Variants in HPF1 observed in about 807,000 individuals in gnomAD.
HPF1 encodes UPF0609 protein C4orf27.
In HPF1, 35 loss-of-function variants were observed where a neutral mutation model predicts 38.8. The ratio of observed to expected loss-of-function variants is 0.90; its 90% CI spans 0.69 to 1.19. The LOEUF (loss-of-function observed/expected upper bound fraction) is 1.19. Among genes scored for constraint, HPF1 ranks in the 50% most tolerant of loss-of-function variants. The pLI, the probability that HPF1 is intolerant of heterozygous loss-of-function variation, is 0.00. For synonymous variants in HPF1, 115 were observed against 139.2 expected (o/e 0.83, Z 1.22); for missense variants, 367 against 405.8 (o/e 0.90, Z 0.82).
At chr4:169,731,120 T>C (rs1338287567) in intron 7 of HPF1, among the ~76,000 whole-genome samples, 1 of 152,248 alleles carries the variant, frequency 6.6e-6, no homozygotes, top group Admixed American at 6.5e-5. Flanking sequence ...AAACAGGTCA[T>C]ATCCGCTACA....
rs2150288269 is a variant in HPF1, at chr4:169,731,763, C to T, written c.850G>A (p.Glu284Lys). The T allele has an allele frequency of 6.3e-7, 1 of 1,599,530 alleles. No individual in the cohort carries two copies. The highest frequency in any genetic ancestry group is 2.2e-5 in the East Asian group (1 of 44,564). ...TCAAGCCCCATGCCATAATCACATT[C>T]ATCATTAGCAAACTGCACAAAAGTC... ...MMTFVQFAND[E>K]CDYGMGLELG... The change falls in exon 7 of 8, where the codon GAA (glutamate) becomes AAA (lysine). Residue 284 changes from glutamate to lysine, a missense_variant. Coordinates refer to ENST00000393381, the MANE Select transcript of HPF1 (RefSeq NM_017867.3).
At chr4:169,752,768 A>C (rs1380771605) in intron 2 of HPF1, among the ~76,000 whole-genome samples, 1 of 152,180 alleles carries the variant, frequency 6.6e-6, no homozygotes, top group Non-Finnish European at 1.5e-5. Flanking sequence ...TTAAGTAAAT[A>C]TCCTCAAACA....
chr4:169,736,810 G>C (rs1306804633), intron 6 of HPF1, among the ~76,000 whole-genome samples: 1 of 152,178 alleles, frequency 6.6e-6, no homozygotes, highest in African/African-American at 2.4e-5. Flanking sequence ...CAGCAGGGCT[G>C]TTCACGATAA....
intron 2 of HPF1, among the ~76,000 whole-genome samples, chr4:169,750,971 T>C (rs1037656965): frequency 1.3e-5 from 2 of 152,222 alleles, no homozygotes; most frequent in African/African-American, 2.4e-5. Context: ...ATTTCAGACA[T>C]TCCTGTTGTT....
chr4:169,752,034 T>C lies in HPF1; in HGVS notation c.209-1309A>G, dbSNP rs1049625004. Among the ~76,000 whole-genome samples, 13 of 152,186 alleles carry C rather than the reference T, an allele frequency of 8.5e-5. 1 individual carries two copies. On this transcript the variant is annotated intron_variant, in intron 2 of 7. Coordinates refer to ENST00000393381, the MANE Select transcript of HPF1 (RefSeq NM_017867.3). ...TTCAATGTTATTTGACATGATTTTT[T>C]AATAGGGCATAATACTGCATTATAA...
chr4:169,736,397 G>A (rs1425418564), intron 6 of HPF1, among the ~76,000 whole-genome samples: 1 of 150,188 alleles, frequency 6.7e-6, no homozygotes, highest in Non-Finnish European at 1.5e-5. Context: ...ATAAATACGA[G>A]TTACAAATTT....
intron 6 of HPF1, among the ~76,000 whole-genome samples, chr4:169,732,470 A>G: frequency 6.6e-6 from 1 of 152,096 alleles, no homozygotes; most frequent in East Asian, 1.9e-4. Context: ...AGTCTATTCC[A>G]TGGTGGTCAT....
chr4:169,735,694 T>C (rs994483220), intron 6 of HPF1, among the ~76,000 whole-genome samples: 17 of 152,100 alleles, frequency 1.1e-4, no homozygotes, highest in Non-Finnish European at 2.1e-4. Context: ...AACGAGATAG[T>C]AATCATGCTT....
intron 4 of HPF1, among the ~76,000 whole-genome samples, chr4:169,743,036 G>A (rs1309696276): frequency 1.1e-4 from 17 of 151,792 alleles, no homozygotes; most frequent in Non-Finnish European, 1.0e-4. Context: ...GGGAGGTAGA[G>A]GTTGCAGCCA....
chr4:169,731,969 C>T, intron 6 of HPF1, 93 bp from the exon 7 acceptor site: 2 of 1,057,288 alleles, frequency 1.9e-6, no homozygotes, highest in Non-Finnish European at 2.8e-6. Context: ...GGTTTTTCCT[C>T]CTAAGACTTT....
At chr4:169,747,838 T>G (rs1734068666) in intron 4 of HPF1, among the ~76,000 whole-genome samples, 2 of 152,198 alleles carry the variant, frequency 1.3e-5, no homozygotes, top group African/African-American at 4.8e-5. Context: ...TGTAGAGGCA[T>G]CTGATGGTTC....
intron 2 of HPF1, among the ~76,000 whole-genome samples, 183 bp from the exon 3 acceptor site, chr4:169,750,908 G>T (rs528770230): frequency 6.6e-6 from 1 of 152,316 alleles, no homozygotes; most frequent in South Asian, 2.1e-4. Flanking sequence ...AACAGGAAAA[G>T]TGGTATTTAC....
chr4:169,735,671 G>A (rs898760052), intron 6 of HPF1, among the ~76,000 whole-genome samples: 2 of 152,056 alleles, frequency 1.3e-5, no homozygotes, highest in East Asian at 1.9e-4. Flanking sequence ...ACAAATGTGC[G>A]CAACCTTTCC....
intron 2 of HPF1, 91 bp from the exon 3 acceptor site, chr4:169,750,816 TAA>T: frequency 9.9e-7 from 1 of 1,008,166 alleles, no homozygotes; most frequent in Non-Finnish European, 1.4e-6. Flanking sequence ...CAATTGTCTT[TAA>T]AAAGTTTCTA....
intron 4 of HPF1, among the ~76,000 whole-genome samples, chr4:169,743,409 CTTTTTTTTTTTTTTT>C (rs34941625): frequency 1.4e-5 from 1 of 69,714 alleles, no homozygotes; most frequent in African/African-American, 6.5e-5. Flanking sequence ...TGCCCCTGGC[CTTTTTTTTTTTTTTT>C]TTTTTTTTTT....
intron 4 of HPF1, among the ~76,000 whole-genome samples, chr4:169,742,539 T>C (rs1261280947): frequency 6.6e-6 from 1 of 152,130 alleles, no homozygotes; most frequent in East Asian, 1.9e-4. Context: ...ACGCCTGTAA[T>C]CCCAGCACTT....
chr4:169,753,846 GCA>G lies in HPF1; in HGVS notation c.49-13_49-12del. On this transcript the variant is annotated splice_polypyrimidine_tract_variant and intron_variant, in intron 1 of 7. Coordinates refer to ENST00000393381, the MANE Select transcript of HPF1 (RefSeq NM_017867.3). ...AGTTGTTTTTTCACACTGAAAATTGGCACACAAACTTTAGTTCTCCAAATTTC... is the reference window on the plus strand; with the variant it reads ...AGTTGTTTTTTCACACTGAAAATTGGCACAAACTTTAGTTCTCCAAATTTC... 1 of 1,600,380 alleles carries G rather than the reference GCA, an allele frequency of 6.2e-7. No individual in the cohort carries two copies. The highest frequency in any genetic ancestry group is 8.5e-7 in the Non-Finnish European group (1 of 1,174,864).
chr4:169,742,873 G>C (rs1224130089), intron 4 of HPF1, among the ~76,000 whole-genome samples: 2 of 151,904 alleles, frequency 1.3e-5, no homozygotes, highest in African/African-American at 4.8e-5. Context: ...AGCCGAGGTG[G>C]GCGGATCACT....
At chr4:169,735,720 G>C (rs1394213944) in intron 6 of HPF1, among the ~76,000 whole-genome samples, 4 of 152,090 alleles carry the variant, frequency 2.6e-5, no homozygotes, top group East Asian at 3.9e-4. Flanking sequence ...AGCTCTCTCT[G>C]TGAGCAGAGA....
Sources: gnomAD v4.1 joint callset for allele counts (sites outside exome capture counted in the v4.1 genomes callset) on GRCh38, gnomAD v4.1.1 for gene constraint, MANE v1.5 for transcripts, NCBI Gene and HGNC (gene_info 2026-07-23, HGNC 2026-07-21) for gene names.